The following KIAA1217 variants were observed in gnomAD, a reference collection of about 807,000 sequenced individuals.
KIAA1217 encodes sickle tail protein homolog.
A neutral mutation model predicts 163.9 loss-of-function variants in KIAA1217; 88 were observed. The observed-to-expected ratio is 0.54, with a 90% CI of 0.45 to 0.64. The LOEUF is 0.64. KIAA1217 is among the 30% of genes least tolerant of loss of function. The pLI is 0.00. For synonymous variants in KIAA1217, 903 were observed against 923.1 expected, an observed-to-expected ratio of 0.98 and a Z score of 0.39; for missense variants, 2,372 against 2,475.0, an observed-to-expected ratio of 0.96 and a Z score of 0.88.
At chr10:24,022,258 TA>T (rs943134608) in intron 2 of KIAA1217, among the ~76,000 whole-genome samples, 2 of 151,256 alleles carry the variant, frequency 1.3e-5, no homozygotes, top group South Asian at 2.1e-4. Flanking sequence ...ACTCAGCAAT[TA>T]AAAAAACCAC....
intron 1 of KIAA1217, among the ~76,000 whole-genome samples, chr10:23,716,696 C>T (rs547738152): frequency 8.5e-5 from 13 of 152,284 alleles, no homozygotes; most frequent in Admixed American, 5.9e-4. Context: ...GTCCACCTTA[C>T]TAGGAGCAGC....
intron 2 of KIAA1217, among the ~76,000 whole-genome samples, chr10:24,075,511 T>C (rs1032910225): frequency 1.3e-5 from 2 of 152,204 alleles, no homozygotes; most frequent in African/African-American, 4.8e-5. Flanking sequence ...ATTTAGGTCC[T>C]CAATCTGATC....
intron 6 of KIAA1217, among the ~76,000 whole-genome samples, chr10:24,475,795 T>C (rs996909504): frequency 3.9e-5 from 6 of 152,262 alleles, no homozygotes; most frequent in African/African-American, 1.4e-4. Context: ...TCTACCAAGA[T>C]GTGCGATAAG....
At chr10:24,102,066 A>C (rs2131720229) in intron 2 of KIAA1217, among the ~76,000 whole-genome samples, 1 of 152,346 alleles carries the variant, frequency 6.6e-6, no homozygotes, top group East Asian at 1.9e-4. Context: ...ATTTTAAAAA[A>C]TCCAAAGGTG....
At chr10:24,186,059 C>T (rs2066414617) in intron 2 of KIAA1217, among the ~76,000 whole-genome samples, 1 of 152,128 alleles carries the variant, frequency 6.6e-6, no homozygotes, top group African/African-American at 2.4e-5. Flanking sequence ...CTTCCCAACA[C>T]ATGTTAGCAA....
At chr10:24,238,626 T>C (rs138041031) in intron 2 of KIAA1217, among the ~76,000 whole-genome samples, 32 of 152,018 alleles carry the variant, frequency 2.1e-4, no homozygotes, top group African/African-American at 7.0e-4. Context: ...CACACACACA[T>C]ACACACTCTG....
intron 1 of KIAA1217, among the ~76,000 whole-genome samples, chr10:23,793,769 G>A (rs1326811870): frequency 6.6e-6 from 1 of 152,096 alleles, no homozygotes; most frequent in Non-Finnish European, 1.5e-5. Context: ...TACCACACAG[G>A]CCAGCCACAG....
intron 2 of KIAA1217, among the ~76,000 whole-genome samples, chr10:24,041,217 G>A (rs746174828): frequency 6.6e-5 from 10 of 152,172 alleles, no homozygotes; most frequent in African/African-American, 9.7e-5. Context: ...CAGAATAATC[G>A]AGGTTGGAAA....
At chr10:24,294,587 G>T (rs868481243) in intron 2 of KIAA1217, among the ~76,000 whole-genome samples, 1 of 152,216 alleles carries the variant, frequency 6.6e-6, no homozygotes, top group Non-Finnish European at 1.5e-5. Context: ...AAACACCAGC[G>T]TAGTCAGTGG....
At chr10:24,186,702 C>T (rs1307089023) in intron 2 of KIAA1217, among the ~76,000 whole-genome samples, 1 of 152,016 alleles carries the variant, frequency 6.6e-6, no homozygotes. Flanking sequence ...ACCAGCCTGG[C>T]CAACATGGTG....
chr10:24,154,062 A>G (rs1388504273), intron 2 of KIAA1217, among the ~76,000 whole-genome samples: 1 of 145,750 alleles, frequency 6.9e-6, no homozygotes, highest in African/African-American at 2.5e-5. Flanking sequence ...GGTTCACGCC[A>G]TTCTTCTGCC....
intron 2 of KIAA1217, among the ~76,000 whole-genome samples, chr10:24,347,013 G>T (rs141956499): frequency 7.9e-5 from 12 of 152,218 alleles, no homozygotes; most frequent in Non-Finnish European, 1.3e-4. Context: ...TTGGCTTAGT[G>T]AGTGTTAAGG....
intron 1 of KIAA1217, among the ~76,000 whole-genome samples, chr10:23,765,336 GCTAA>G (rs1354683360): frequency 6.6e-6 from 1 of 151,546 alleles, no homozygotes; most frequent in East Asian, 1.9e-4. Flanking sequence ...CTACAGCCCG[GCTAA>G]CTTTTTGTAC....
At chr10:23,748,196 G>A (rs12255325) in intron 1 of KIAA1217, among the ~76,000 whole-genome samples, 11,404 of 152,090 alleles carry the variant, frequency 0.075, 843 homozygotes, top group African/African-American at 0.19. Flanking sequence ...ACCTATGCAC[G>A]ACATCTTTTG....
At chr10:24,520,675 T>TATATATATACACAC (rs1411092462) in intron 11 of KIAA1217, among the ~76,000 whole-genome samples, 1 of 77,540 alleles carries the variant, frequency 1.3e-5, no homozygotes, top group Non-Finnish European at 2.3e-5. Context: ...TATATATATA[T>TATATATATACACAC]ACACACACAC....
chr10:23,714,032 C>G (rs546541560), intron 1 of KIAA1217, among the ~76,000 whole-genome samples: 1 of 152,114 alleles, frequency 6.6e-6, no homozygotes, highest in African/African-American at 2.4e-5. Context: ...TCCACCAGAA[C>G]TTCTCTGCCT....
chr10:24,386,890 A>C (rs1260925512), intron 3 of KIAA1217, among the ~76,000 whole-genome samples: 1 of 152,256 alleles, frequency 6.6e-6, no homozygotes, highest in African/African-American at 2.4e-5. Context: ...AAAAGATAAA[A>C]GAATTTTAAA....
rs2075734547 is a variant in KIAA1217, at chr10:24,546,681, A to G, written c.*357A>G. ...ATTTTAGTATGTTTTGTATAAAACT[A>G]TTTTTCATTACGGAGACTAGAAGTG... On this transcript the variant is annotated 3_prime_UTR_variant, in exon 21 of 21. Coordinates refer to ENST00000376454, the MANE Select transcript of KIAA1217 (RefSeq NM_019590.5). 5.6e-6 allele frequency: 1 copy of G among 177,886 alleles called. No individual in the cohort carries two copies. Among genetic ancestry groups the G allele is most frequent in the Non-Finnish European group, 1.2e-5 (1 of 84,448 alleles). The allele number at this position is 177,886 out of a possible 1,614,324, so 11.0% of individuals were successfully genotyped here.
intron 17 of KIAA1217, among the ~76,000 whole-genome samples, chr10:24,540,390 C>T (rs568761215): frequency 1.6e-4 from 25 of 152,170 alleles, no homozygotes; most frequent in African/African-American, 4.6e-4. Flanking sequence ...TGTGCCACCA[C>T]GCCTGGCTAA....
Sources: allele counts gnomAD v4.1 joint callset (sites outside exome capture counted in the v4.1 genomes callset), GRCh38; gene constraint gnomAD v4.1.1; transcripts MANE v1.5; gene names NCBI Gene and HGNC (gene_info 2026-07-23, HGNC 2026-07-21).